Variants in SPTBN1 observed in about 807,000 individuals in gnomAD.
The protein encoded by SPTBN1 is spectrin beta, non-erythrocytic 1.
A neutral mutation model predicts 266.4 loss-of-function variants in SPTBN1; 32 were observed. The observed-to-expected ratio is 0.12, with a 90% CI of 0.09 to 0.16. SPTBN1 has a LOEUF of 0.16. Ranked by LOEUF, SPTBN1 falls within the 10% of genes least tolerant of loss-of-function variation. The probability of loss-of-function intolerance (pLI) is 1.00; values close to 1 mark genes in which losing one functional copy is unlikely to be tolerated. For synonymous variants in SPTBN1, 1,336 were observed against 1,162.2 expected (o/e 1.15, Z -3.04); for missense variants, 2,296 against 3,067.1 (o/e 0.75, Z 5.94).
At chr2:54,611,916 G>T (rs766083425) in intron 3 of SPTBN1, among the ~76,000 whole-genome samples, 3 of 152,152 alleles carry the variant, frequency 2.0e-5, no homozygotes, top group African/African-American at 7.2e-5. Flanking sequence ...ATGCTCATTT[G>T]TAAACTATAT....
intron 2 of SPTBN1, chr2:54,527,371 A>T (rs1264895173): frequency 6.6e-6 from 1 of 152,242 alleles, no homozygotes; most frequent in Non-Finnish European, 1.5e-5. Context: ...AATCAAAGTC[A>T]TGACTTGAGA....
intron 2 of SPTBN1, among the ~76,000 whole-genome samples, chr2:54,576,343 C>T (rs570752459): frequency 1.3e-5 from 2 of 152,206 alleles, no homozygotes; most frequent in African/African-American, 2.4e-5. Flanking sequence ...TGTGAGCCAC[C>T]GCGCCCGGCC....
At position 54,574,082 on chromosome 2, in the gene SPTBN1, C is replaced by T. The variant is rs535819378; in HGVS notation, c.149-25010C>T. ...TTGGGGTTGTCTTTGTTCTCAGGTC[C>T]CCTCAACTGGTCTAATGAAGGAAAC... is the stretch of plus-strand genomic sequence containing the variant. On this transcript the variant is annotated intron_variant, in intron 2 of 35. Transcript: ENST00000356805. Among the ~76,000 whole-genome samples, 42 of 152,134 alleles carry T rather than the reference C, an allele frequency of 2.8e-4. 1 individual carries two copies. Among genetic ancestry groups the T allele is most frequent in the Admixed American group, 7.8e-4 (12 of 15,292 alleles).
intron 1 of SPTBN1, among the ~76,000 whole-genome samples, chr2:54,467,350 A>G (rs529608152): frequency 1.3e-5 from 2 of 152,246 alleles, no homozygotes; most frequent in Non-Finnish European, 2.9e-5. Context: ...GTGATGTTTA[A>G]ACATTTTCCA....
chr2:54,647,515 T>C (rs998036479), intron 24 of SPTBN1, among the ~76,000 whole-genome samples: 5 of 152,200 alleles, frequency 3.3e-5, no homozygotes, highest in African/African-American at 9.7e-5. Context: ...TGAAAGAATA[T>C]TGGTGTCGTG....
intron 1 of SPTBN1, among the ~76,000 whole-genome samples, chr2:54,522,678 G>GAGAGAGAGAGAGAGAGA (rs370803474): frequency 5.1e-5 from 4 of 78,612 alleles, no homozygotes; most frequent in Admixed American, 1.4e-4. Flanking sequence ...GAGAGAGAGA[G>GAGAGAGAGAGAGAGAGA]GAGAGAGAGA....
Position 54,657,959 on chromosome 2 carries a change from G to A in SPTBN1, c.6156G>A (p.Val2052=). 6.2e-7 allele frequency: 1 copy of A among 1,614,262 alleles called. No homozygotes were observed. Among genetic ancestry groups the A allele is most frequent in the East Asian group, 2.2e-5 (1 of 44,888 alleles). Residue 2052 remains valine (V), a synonymous_variant, in exon 30 of 36, where the codon GTG becomes GTA. Transcript: ENST00000356805. ...AGATAGGCCAGAGCGTGGACGAGGT[G>A]GAGAAGCTCATCAAGCGCCACGAGG... ...SREIGQSVDE[V]EKLIKRHEAF...
intron 1 of SPTBN1, among the ~76,000 whole-genome samples, chr2:54,491,140 A>T (rs570474084): frequency 6.6e-6 from 1 of 152,268 alleles, no homozygotes; most frequent in South Asian, 2.1e-4. Flanking sequence ...ACTCTAAGGG[A>T]CCTTACTAAG....
intron 2 of SPTBN1, among the ~76,000 whole-genome samples, chr2:54,592,216 G>A (rs1009456164): frequency 1.3e-5 from 2 of 152,028 alleles, no homozygotes; most frequent in African/African-American, 2.4e-5. Context: ...TTACATAGAC[G>A]CATTACAGCC....
At position 54,557,674 on chromosome 2, in the gene SPTBN1, A is replaced by G. The variant is rs186567585; in HGVS notation, c.148+31108A>G. 53 of 974,088 alleles carry G rather than the reference A, an allele frequency of 5.4e-5. No individual in the cohort carries two copies. The African/African-American group carries it at 8.8e-4, about 16-fold the overall frequency. 60.3% of individuals were successfully genotyped at this position (974,088 alleles called of 1,614,324 possible). On this transcript the variant is annotated intron_variant, in intron 2 of 35. Transcript: ENST00000356805. The stretch of plus-strand genomic sequence containing the variant: ...GGATCTCGGCGGTGTTTACCTGTGT[A>G]CCTTTTTCCCACAATGCCTTGCAAA...
At position 54,643,093 on chromosome 2, in the gene SPTBN1, T is replaced by G. The variant is rs768700993; in HGVS notation, c.3969T>G (p.Leu1323=). 1 of 1,614,196 alleles carries G rather than the reference T, an allele frequency of 6.2e-7. No individual in the cohort carries two copies. The highest frequency in any genetic ancestry group is 1.1e-5 in the South Asian group (1 of 91,088). Residue 1323 remains leucine (L), a synonymous_variant, in exon 19 of 36, where the codon CTT becomes CTG. Coordinates refer to ENST00000356805, the MANE Select transcript of SPTBN1 (RefSeq NM_003128.3). Reference sequence around the variant, plus strand: ...AGCATCAAGCATTTATGGCAGAACTTGCATCCAACAAAGAATGGCTTGACA... The same window carrying G: ...AGCATCAAGCATTTATGGCAGAACTGGCATCCAACAAAGAATGGCTTGACA... The part of the protein sequence containing the change: ...WLKHQAFMAE[L]ASNKEWLDKI...
chr2:54,586,762 G>C (rs1176380306), intron 2 of SPTBN1, among the ~76,000 whole-genome samples: 2 of 152,080 alleles, frequency 1.3e-5, no homozygotes, highest in African/African-American at 4.8e-5. Flanking sequence ...TGTTAACTTT[G>C]ACATCCTCAT....
Position 54,581,577 on chromosome 2 carries a change from CTT to C in SPTBN1, c.149-17493_149-17492del, listed in dbSNP as rs70944181. ...GCCTTCATGCTTTGGTTTCTTTGCC[CTT>C]TTTTTTTTTTTTTTTTTTTTTGAAA... On this transcript the variant is annotated intron_variant, in intron 2 of 35. Transcript: ENST00000356805. Among the ~76,000 whole-genome samples the C allele has an allele frequency of 6.4e-3, 652 of 102,656 alleles. 4 individuals are homozygous for C. Among genetic ancestry groups the C allele is most frequent in the African/African-American group, 0.024 (580 of 24,414 alleles). The allele number at this position is 102,656 out of a possible 152,430, so 67.3% of individuals were successfully genotyped here.
intron 2 of SPTBN1, chr2:54,527,662 A>G (rs902372805): frequency 6.6e-5 from 10 of 152,356 alleles, no homozygotes; most frequent in African/African-American, 2.2e-4. Context: ...GTTCACAAGC[A>G]GGCTCCATCC....
At chr2:54,563,052 A>G (rs1186742263) in intron 2 of SPTBN1, among the ~76,000 whole-genome samples, 1 of 152,218 alleles carries the variant, frequency 6.6e-6, no homozygotes, top group Non-Finnish European at 1.5e-5. Flanking sequence ...AGATAGAGGC[A>G]AATAACTCAT....
chr2:54,571,011 T>G (rs899145246), intron 2 of SPTBN1, among the ~76,000 whole-genome samples: 1 of 152,124 alleles, frequency 6.6e-6, no homozygotes, highest in African/African-American at 2.4e-5. Context: ...CTATAAAGGT[T>G]TAAACGACTT....
chr2:54,542,311 G>C (rs966339984), intron 2 of SPTBN1, among the ~76,000 whole-genome samples: 5 of 152,234 alleles, frequency 3.3e-5, no homozygotes, highest in African/African-American at 4.8e-5. Context: ...TGGCTATGTC[G>C]AGATGCCATG....
intron 2 of SPTBN1, among the ~76,000 whole-genome samples, chr2:54,546,276 T>C (rs960824652): frequency 5.9e-5 from 9 of 152,224 alleles, no homozygotes; most frequent in African/African-American, 1.4e-4. Flanking sequence ...TGTACCCACA[T>C]TGACAGAATA....
At position 54,587,286 on chromosome 2, in the gene SPTBN1, C is replaced by T. The variant is rs149347186; in HGVS notation, c.149-11806C>T. On this transcript the variant is annotated intron_variant, in intron 2 of 35. Transcript: ENST00000356805. ...AGACTAGTATAGAATGTAATATTTACTGCTTCTTTAATGTTCCTTAGGAAG... is the reference window on the plus strand; with the variant it reads ...AGACTAGTATAGAATGTAATATTTATTGCTTCTTTAATGTTCCTTAGGAAG... Among the ~76,000 whole-genome samples, 605 of 152,290 alleles carry T rather than the reference C, an allele frequency of 4.0e-3. 2 individuals are homozygous for T. Among genetic ancestry groups the T allele is most frequent in the Middle Eastern group, 0.014 (4 of 294 alleles).
Sources: allele counts gnomAD v4.1 joint callset (sites outside exome capture counted in the v4.1 genomes callset), GRCh38; gene constraint gnomAD v4.1.1; transcripts MANE v1.5; gene names NCBI Gene and HGNC (gene_info 2026-07-23, HGNC 2026-07-21).